C17orf58: variants seen among roughly 807,000 people sequenced by gnomAD.
The protein encoded by C17orf58 is UPF0450 protein C17orf58.
Under a neutral mutation model 7.4 loss-of-function variants are expected in C17orf58, and 5 were observed. The observed-to-expected ratio is 0.67, with a 90% CI of 0.35 to 1.42. C17orf58 has a LOEUF of 1.42. Among genes scored for constraint, C17orf58 ranks in the 40% most tolerant of loss-of-function variants. The pLI is 0.04. For missense variants in C17orf58, 162 were observed against 174.2 expected (o/e 0.93, Z 0.40); for synonymous variants, 60 against 70.6 (o/e 0.85, Z 0.75).
chr17:67,994,487 CGTGTGCGT>C (rs1393271456), intron 1 of C17orf58, among the ~76,000 whole-genome samples: 85 of 42,708 alleles, frequency 2.0e-3, no homozygotes, highest in African/African-American at 5.4e-3. Flanking sequence ...TGTATGTGTG[CGTGTGCGT>C]GTGTGTGTGT....
At chr17:67,992,766 G>C (rs2070847120) in intron 3 of C17orf58, 2 of 1,150,558 alleles carry the variant, frequency 1.7e-6, no homozygotes, top group Admixed American at 2.6e-5. Context: ...GTCCCTTCTG[G>C]CAATGGTGTT....
chr17:67,992,215 A>G (rs1395102578), intron 3 of C17orf58, 112 bp from the exon 4 acceptor site: 1 of 952,736 alleles, frequency 1.0e-6, no homozygotes, highest in Non-Finnish European at 1.5e-6. Flanking sequence ...TTGCTGCACA[A>G]GTTGAAACTG....
chr17:67,993,966 C>A lies in C17orf58; in HGVS notation c.95G>T (p.Arg32Ile). 2.5e-6 allele frequency: 1 copy of A among 395,876 alleles called. No individual in the cohort carries two copies. The highest frequency in any genetic ancestry group is 4.5e-6 in the Non-Finnish European group (1 of 224,576). The allele number at this position is 395,876 out of a possible 1,614,324, so 24.5% of individuals were successfully genotyped here. The change falls in exon 2 of 4, where the codon AGA (arginine) becomes ATA (isoleucine). Residue 32 changes from arginine to isoleucine, a missense_variant. Arg to Ile is a moderately conservative substitution (Grantham distance 97, BLOSUM62 -3). This residue lies in a region of C17orf58 where 93 missense variants were observed against 90.4 expected (regional missense o/e 1.03). Transcript: ENST00000580729. This position sits in a 1 kb window ranked among gnomAD's most constrained non-coding sequence, Gnocchi z 5.1. The stretch of plus-strand genomic sequence containing the variant: ...CGGGCAGCCGCGGGAGTCCGGCTTT[C>A]TGCTGTGCGGCGGCGAGGCTGTGGG... ...AERKTSPPHS[R>I]KPDSRGCPSA...
rs1322568162 is a variant in C17orf58 at position 67,993,551 on chromosome 17, C to T, written c.510G>A (p.Pro170=). 3 of 326,570 alleles carry T rather than the reference C, an allele frequency of 9.2e-6. No individual in the cohort carries two copies. Among genetic ancestry groups the T allele is most frequent in the Admixed American group, 5.0e-5 (1 of 20,022 alleles). The allele number at this position is 326,570 out of a possible 1,614,324, so 20.2% of individuals were successfully genotyped here. A position where few individuals can be genotyped will look rare whatever the true frequency, so the allele number is the denominator to read the frequency against. The part of the protein sequence containing the change: ...ALAPGPAPAP[P]PRFSLSFGLS... Reference sequence around the variant, plus strand: ...GGCCGAAGCTGAGGCTGAAGCGCGGCGGCGGCGCGGGCGCGGGTCCCGGGG... The same window carrying T: ...GGCCGAAGCTGAGGCTGAAGCGCGGTGGCGGCGCGGGCGCGGGTCCCGGGG... Residue 170 remains proline, a synonymous_variant, in exon 2 of 4, where the codon CCG becomes CCA. Transcript: ENST00000580729. This position sits in a 1 kb window ranked among gnomAD's most constrained non-coding sequence, Gnocchi z 5.1.
chr17:67,994,536 A>ATATATATATATATATATAT (rs1555699626), intron 1 of C17orf58, among the ~76,000 whole-genome samples: 40 of 79,584 alleles, frequency 5.0e-4, no homozygotes, highest in South Asian at 1.9e-3. Context: ...ATATATATAT[A>ATATATATATATATATATAT]AAACATATAT....
intron 1 of C17orf58, among the ~76,000 whole-genome samples, chr17:67,994,274 A>G (rs1484677564): frequency 6.6e-6 from 1 of 151,774 alleles, no homozygotes; most frequent in African/African-American, 2.4e-5. Flanking sequence ...GAAGTGAAGC[A>G]GGGAGAACCC....
At chr17:67,992,833 C>G in intron 3 of C17orf58, 3 of 1,539,128 alleles carry the variant, frequency 1.9e-6, no homozygotes, top group Non-Finnish European at 2.6e-6. Flanking sequence ...TTGTGCCAAC[C>G]CTTGCTGTTC....
Position 67,993,835 on chromosome 17 carries a change from G to GCGGGT in C17orf58, c.221_225dup (p.Arg76ThrfsTer141). On this transcript the variant is annotated frameshift_variant, in exon 2 of 4. Transcript: ENST00000580729. LOFTEE classifies it high-confidence loss of function. The surrounding 1 kb of genome is among the most constrained non-coding windows in gnomAD (Gnocchi z 5.1). ...GCCGGCGGTGGGGGCTTCCGGCGGC[G>GCGGGT]CGGGTCAGGCCAGGCGCGGGCGGCG... The GCGGGT allele has an allele frequency of 3.2e-6, 1 of 314,610 alleles. No homozygotes were observed. 19.5% of individuals were successfully genotyped at this position (314,610 alleles called of 1,614,324 possible). A position where few individuals can be genotyped will look rare whatever the true frequency, so the allele number is the denominator to read the frequency against.
rs542211289 is a variant in C17orf58 at position 67,991,349 on chromosome 17, C to T, written c.*564G>A. 1 of 151,194 alleles carries T rather than the reference C, an allele frequency of 6.6e-6. No individual in the cohort carries two copies. Among genetic ancestry groups the T allele is most frequent in the African/African-American group, 2.4e-5 (1 of 41,276 alleles). 9.4% of individuals were successfully genotyped at this position (151,194 alleles called of 1,614,324 possible). A position where few individuals can be genotyped will look rare whatever the true frequency, so the allele number is the denominator to read the frequency against. ...TTATTTTATTTATTTTTTTAATCCA[C>T]CCATCTGCACACTGGCCCTTTAGTA... On this transcript the variant is annotated 3_prime_UTR_variant, in exon 4 of 4. Transcript: ENST00000580729.
rs547058613 is a variant in C17orf58 at position 67,991,642 on chromosome 17, C to G, written c.*271G>C. On this transcript the variant is annotated 3_prime_UTR_variant, in exon 4 of 4. Transcript: ENST00000580729. ...AACTTATGAAGCAATGATCTGTTAA[C>G]TGGACAGGTCAATTATCTGAGCTGT... The G allele has an allele frequency of 3.8e-6, 1 of 262,242 alleles. No homozygotes were observed. The highest frequency in any genetic ancestry group is 1.6e-4 in the South Asian group (1 of 6,172). 16.2% of individuals were successfully genotyped at this position (262,242 alleles called of 1,614,324 possible).
At chr17:67,992,175 T>G in intron 3 of C17orf58, 72 bp from the exon 4 acceptor site, 3 of 1,285,484 alleles carry the variant, frequency 2.3e-6, no homozygotes, top group Non-Finnish European at 3.2e-6. Context: ...GTAAGGCCTT[T>G]AAGAAACGCC....
chr17:67,995,817 C>A (rs575257264), intron 1 of C17orf58, among the ~76,000 whole-genome samples: 7 of 152,262 alleles, frequency 4.6e-5, no homozygotes, highest in Non-Finnish European at 8.8e-5. Flanking sequence ...CGCGCCACGA[C>A]CCCTTTTGAC....
rs1228287591 is a variant in C17orf58 at position 67,991,189 on chromosome 17, T to A, written c.*724A>T. On this transcript the variant is annotated 3_prime_UTR_variant, in exon 4 of 4. Transcript: ENST00000580729. ...GACACCAGATACATCCAAAATACATTTCACATTGGGATAGCTGCCAGTTCA... is the reference window on the plus strand; with the variant it reads ...GACACCAGATACATCCAAAATACATATCACATTGGGATAGCTGCCAGTTCA... The A allele has an allele frequency of 6.6e-6, 1 of 152,180 alleles. No individual in the cohort carries two copies. Among genetic ancestry groups the A allele is most frequent in the African/African-American group, 2.4e-5 (1 of 41,440 alleles). 9.4% of individuals were successfully genotyped at this position (152,180 alleles called of 1,614,324 possible).
rs1555699202 is a variant in C17orf58 at position 67,991,137 on chromosome 17, CATT to C, written c.*773_*775del. ...CAAGATTTATTGCTTTACAAACAAA[CATT>C]ATACTTGGTCTTAATAGAAAAATGA... On this transcript the variant is annotated 3_prime_UTR_variant, in exon 4 of 4. Transcript: ENST00000580729. 6.6e-6 allele frequency: 1 copy of C among 152,052 alleles called. No individual in the cohort carries two copies. The highest frequency in any genetic ancestry group is 2.4e-5 in the African/African-American group (1 of 41,386). 9.4% of individuals were successfully genotyped at this position (152,052 alleles called of 1,614,324 possible).
In C17orf58 at chr17:67,993,252, G is replaced by GTGCTC; in HGVS notation, c.638-18_638-17insGAGCA. 6.8e-7 allele frequency: 1 copy of GTGCTC among 1,469,140 alleles called. No individual in the cohort carries two copies. The highest frequency in any genetic ancestry group is 9.3e-7 in the Non-Finnish European group (1 of 1,077,432). 91.0% of individuals were successfully genotyped at this position (1,469,140 alleles called of 1,614,324 possible). The stretch of plus-strand genomic sequence containing the variant: ...CGTTCACCGCTGCTTCCGAAAAACA[G>GTGCTC]TTTGGAGAAGAGCATTACCCCGAGT... On this transcript the variant is annotated splice_polypyrimidine_tract_variant and intron_variant, in intron 2 of 3. Coordinates refer to ENST00000580729, the MANE Select transcript of C17orf58 (RefSeq NM_001382359.1). The surrounding 1 kb of genome is among the most constrained non-coding windows in gnomAD (Gnocchi z 5.1).
chr17:67,994,089 G>A (rs1250526329), intron 1 of C17orf58, 105 bp from the exon 2 acceptor site: 3 of 356,750 alleles, frequency 8.4e-6, no homozygotes, highest in African/African-American at 2.2e-5. Flanking sequence ...GAAGAGGGAA[G>A]GGGAGGCTGA....
Position 67,993,069 on chromosome 17 carries a change from A to G in C17orf58, c.804T>C (p.Asn268=), listed in dbSNP as rs782248344. Residue 268 remains asparagine (N), a synonymous_variant, in exon 3 of 4, where the codon AAT becomes AAC. Transcript: ENST00000580729. This position sits in a 1 kb window ranked among gnomAD's most constrained non-coding sequence, Gnocchi z 5.1. ...CAGGTTTAAACTCTGGACACGGCTT[A>G]TTGCAGCTGGAGGAGTCCAGGGCTA... is the stretch of plus-strand genomic sequence containing the variant. ...HMLALDSSSC[N]KPCPEFKPGS... 11 of 1,614,038 alleles carry G rather than the reference A, an allele frequency of 6.8e-6. No individual in the cohort carries two copies. The East Asian group carries it at 2.2e-4, about 33-fold the overall frequency.
Position 67,991,857 on chromosome 17 carries a change from T to C in C17orf58, c.*56A>G, listed in dbSNP as rs1216646886. 2.0e-6 allele frequency: 3 copies of C among 1,465,774 alleles called. No homozygotes were observed. The African/African-American group carries it at 4.2e-5, about 20-fold the overall frequency. The allele number at this position is 1,465,774 out of a possible 1,614,324, so 90.8% of individuals were successfully genotyped here. A position where few individuals can be genotyped will look rare whatever the true frequency, so the allele number is the denominator to read the frequency against. On this transcript the variant is annotated 3_prime_UTR_variant, in exon 4 of 4. Coordinates refer to ENST00000580729, the MANE Select transcript of C17orf58 (RefSeq NM_001382359.1). ...CCATTACATGAAGGTAGACCTTTCA[T>C]GTCTTGTTGCCGACGTCCAAGTCTC...
rs528995677 is a variant in C17orf58, at chr17:67,992,698, G to A, written c.829+346C>T. On this transcript the variant is annotated intron_variant, in intron 3 of 3. Coordinates refer to ENST00000580729, the MANE Select transcript of C17orf58 (RefSeq NM_001382359.1). The stretch of plus-strand genomic sequence containing the variant: ...AAAGATGTGGGAGTGGGTATTCCCC[G>A]CTACCAACCCCACATACACACCCAA... Among the ~76,000 whole-genome samples the A allele has an allele frequency of 3.8e-4, 57 of 150,094 alleles. No individual in the cohort carries two copies. In the South Asian group the frequency reaches 0.012, roughly 31 times the overall value.
Sources: gnomAD v4.1 joint callset for allele counts (sites outside exome capture counted in the v4.1 genomes callset) on GRCh38, gnomAD v4.1.1 for gene constraint, gnomAD v4.1.1 regional missense constraint, Gnocchi (gnomAD v3.1) non-coding constraint, MANE v1.5 for transcripts, NCBI Gene and HGNC (gene_info 2026-07-23, HGNC 2026-07-21) for gene names.